FBXO21: variants seen among roughly 807,000 people sequenced by gnomAD.
The protein encoded by FBXO21 is F-box protein 21, also known as F-box only protein 21.
A neutral mutation model predicts 76.6 loss-of-function variants in FBXO21; 32 were observed. The observed-to-expected ratio is 0.42, with a 90% CI of 0.32 to 0.56. The LOEUF (loss-of-function observed/expected upper bound fraction) is 0.56, where lower values mean the gene tolerates loss of function less well. Ranked by LOEUF, FBXO21 falls within the 20% of genes least tolerant of loss-of-function variation. The pLI is 0.16. For synonymous variants in FBXO21, 328 were observed against 311.5 expected (o/e 1.05, Z -0.56); for missense variants, 586 against 797.3 (o/e 0.73, Z 3.19).
intron 9 of FBXO21, among the ~76,000 whole-genome samples, chr12:117,164,818 C>T (rs1956032621): frequency 6.6e-6 from 1 of 152,178 alleles, no homozygotes; most frequent in Non-Finnish European, 1.5e-5. Context: ...ACAAAAAGGA[C>T]TATTCACATA....
chr12:117,155,737 T>TG, intron 11 of FBXO21, 54 bp downstream of exon 11: 2 of 1,559,934 alleles, frequency 1.3e-6, no homozygotes, highest in Non-Finnish European at 1.7e-6. Context: ...GGCTCAAACG[T>TG]GCGCTGAAAA....
intron 11 of FBXO21, chr12:117,155,572 G>A (rs1192211966): frequency 6.6e-6 from 4 of 602,424 alleles, no homozygotes; most frequent in Admixed American, 5.9e-5. Flanking sequence ...CGGAGGCCCT[G>A]GGGGAGGGCG....
intron 3 of FBXO21, among the ~76,000 whole-genome samples, chr12:117,184,919 G>A (rs1156622337): frequency 6.6e-6 from 1 of 152,118 alleles, no homozygotes; most frequent in East Asian, 1.9e-4. Context: ...CCAATTTTGT[G>A]CAATAATGAT....
intron 1 of FBXO21, among the ~76,000 whole-genome samples, chr12:117,189,670 G>A (rs1327397249): frequency 6.6e-6 from 1 of 152,154 alleles, no homozygotes; most frequent in African/African-American, 2.4e-5. Flanking sequence ...GGGGCCCTGC[G>A]TGCGTGCCTC....
chr12:117,186,594 T>C (rs775560263), intron 2 of FBXO21, 23 bp from the exon 3 acceptor site: 11 of 1,480,872 alleles, frequency 7.4e-6, no homozygotes, highest in Non-Finnish European at 1.0e-5. Context: ...CATATACAAG[T>C]AGGCCTCAAT....
At chr12:117,165,683 AG>A (rs772882979) in intron 8 of FBXO21, 66 bp from the exon 9 acceptor site, 37 of 1,467,866 alleles carry the variant, frequency 2.5e-5, no homozygotes, top group Non-Finnish European at 3.4e-5. Context: ...CTCTTTTTCA[AG>A]GCCCAGGTTT....
At chr12:117,148,187 G>A (rs1593055375) in intron 11 of FBXO21, among the ~76,000 whole-genome samples, 1 of 152,308 alleles carries the variant, frequency 6.6e-6, no homozygotes, top group East Asian at 1.9e-4. Context: ...AAAACAGGAG[G>A]AGCTGAAGAA....
At chr12:117,177,764 A>G in intron 3 of FBXO21, 123 bp from the exon 4 acceptor site, 1 of 696,638 alleles carries the variant, frequency 1.4e-6, no homozygotes, top group Admixed American at 3.0e-5. Flanking sequence ...ATTCTCTTAT[A>G]ATAATTATAA....
chr12:117,167,979 C>G (rs925284956), intron 7 of FBXO21, among the ~76,000 whole-genome samples: 1 of 152,164 alleles, frequency 6.6e-6, no homozygotes, highest in African/African-American at 2.4e-5. Flanking sequence ...GGCTGGCCCT[C>G]GCTGAGCACA....
intron 6 of FBXO21, among the ~76,000 whole-genome samples, chr12:117,173,788 C>CA (rs1327240966): frequency 6.6e-6 from 1 of 152,126 alleles, no homozygotes; most frequent in African/African-American, 2.4e-5. Flanking sequence ...ATCGAGCACT[C>CA]AGAGATGGAA....
chr12:117,167,576 G>A (rs189984001), intron 7 of FBXO21, among the ~76,000 whole-genome samples: 2 of 129,546 alleles, frequency 1.5e-5, no homozygotes, highest in South Asian at 2.9e-4. Context: ...GGTGAAACCC[G>A]GTCTCTACAA....
At chr12:117,187,360 C>A (rs1292011875) in intron 2 of FBXO21, among the ~76,000 whole-genome samples, 1 of 129,188 alleles carries the variant, frequency 7.7e-6, no homozygotes, top group Non-Finnish European at 1.6e-5. Context: ...GCAGAGGTTG[C>A]GGTAAGCTGA....
At chr12:117,186,308 A>G (rs981336527) in intron 3 of FBXO21, among the ~76,000 whole-genome samples, 169 bp downstream of exon 3, 1 of 152,206 alleles carries the variant, frequency 6.6e-6, no homozygotes, top group African/African-American at 2.4e-5. Flanking sequence ...TTATATGTCA[A>G]TTGTCTTGGT....
chr12:117,183,662 CA>C (rs1214642825), intron 3 of FBXO21, among the ~76,000 whole-genome samples: 1 of 152,218 alleles, frequency 6.6e-6, no homozygotes, highest in Non-Finnish European at 1.5e-5. Context: ...GAACATTTTT[CA>C]ATATCTCTTG....
At chr12:117,169,603 A>G (rs1190336921) in intron 7 of FBXO21, among the ~76,000 whole-genome samples, 2 of 152,204 alleles carry the variant, frequency 1.3e-5, no homozygotes, top group Non-Finnish European at 2.9e-5. Context: ...AATAAAACTT[A>G]GCAAAGTAGG....
chr12:117,151,913 G>C (rs1343361388), intron 11 of FBXO21, among the ~76,000 whole-genome samples: 1 of 152,162 alleles, frequency 6.6e-6, no homozygotes, highest in Non-Finnish European at 1.5e-5. Context: ...TGGGGAACAG[G>C]ATCTTTACAG....
rs1488509525 is a variant in FBXO21, at chr12:117,167,216, A to C, written c.1014-139T>G. ...AATATGAAGGTCTTGTCCAAGTTTA[A>C]AATCTGACCCCTTTGTGCAAGCTCT... On this transcript the variant is annotated intron_variant, in intron 7 of 11. Coordinates refer to ENST00000622495, the MANE Select transcript of FBXO21 (RefSeq NM_015002.3). 6 of 678,446 alleles carry C rather than the reference A, an allele frequency of 8.8e-6. No homozygotes were observed. In the Admixed American group the frequency reaches 1.6e-4, roughly 18 times the overall value. The allele number at this position is 678,446 out of a possible 1,614,324, so 42.0% of individuals were successfully genotyped here.
intron 1 of FBXO21, 112 bp from the exon 2 acceptor site, chr12:117,189,474 AC>A (rs1352205448): frequency 1.7e-6 from 2 of 1,158,672 alleles, no homozygotes; most frequent in Non-Finnish European, 2.5e-6. Context: ...GGTAAGAGGG[AC>A]CCCGGCGAGA....
chr12:117,164,119 A>G (rs1956019850), intron 9 of FBXO21, among the ~76,000 whole-genome samples: 2 of 151,814 alleles, frequency 1.3e-5, no homozygotes, highest in Admixed American at 1.3e-4. Flanking sequence ...AAAAATTAAA[A>G]TACATAAATA....
Sources: gnomAD v4.1 joint callset for allele counts (sites outside exome capture counted in the v4.1 genomes callset) on GRCh38, gnomAD v4.1.1 for gene constraint, MANE v1.5 for transcripts, NCBI Gene and HGNC (gene_info 2026-07-23, HGNC 2026-07-21) for gene names.